The following AGBL1 variants were observed in gnomAD, a reference collection of about 807,000 sequenced individuals.
The protein encoded by AGBL1 is cytosolic carboxypeptidase 4.
In AGBL1, 130 loss-of-function variants were observed where a neutral mutation model predicts 118.9. That is an observed-to-expected ratio of 1.09 (90% CI 0.95 to 1.26). The LOEUF is 1.26. Among genes scored for constraint, AGBL1 ranks in the 50% most tolerant of loss-of-function variants. The pLI, the probability that AGBL1 is intolerant of heterozygous loss-of-function variation, is 0.00. For synonymous variants in AGBL1, 555 were observed against 478.9 expected, an observed-to-expected ratio of 1.16 and a Z score of -2.08; for missense variants, 1,584 against 1,298.1, an observed-to-expected ratio of 1.22 and a Z score of -3.38.
intron 24 of AGBL1, among the ~76,000 whole-genome samples, chr15:87,003,847 A>T (rs1039905050): frequency 4.6e-5 from 7 of 151,670 alleles, no homozygotes; most frequent in South Asian, 2.1e-4. Context: ...TTTTTATTGC[A>T]TCTATTTGAT....
At chr15:86,375,112 T>C (rs1431930526) in intron 17 of AGBL1, among the ~76,000 whole-genome samples, 1 of 152,228 alleles carries the variant, frequency 6.6e-6, no homozygotes, top group Non-Finnish European at 1.5e-5. Flanking sequence ...CAAGGCAGCC[T>C]ATCTGACCCC....
chr15:86,296,375 G>GT (rs1319828631), intron 17 of AGBL1: 1 of 151,972 alleles, frequency 6.6e-6, no homozygotes, highest in East Asian at 1.9e-4. Flanking sequence ...GCCTTCCCTG[G>GT]TGAAGATACA....
chr15:86,265,207 A>T (rs28553545), intron 11 of AGBL1, among the ~76,000 whole-genome samples: 3,683 of 152,268 alleles, frequency 0.024, 147 homozygotes, highest in African/African-American at 0.085. Context: ...ATTATTTGGG[A>T]TCTCTTTTCT....
chr15:86,383,850 G>A (rs568712739), intron 17 of AGBL1, among the ~76,000 whole-genome samples: 1 of 152,262 alleles, frequency 6.6e-6, no homozygotes, highest in African/African-American at 2.4e-5. Flanking sequence ...AATAATGTGG[G>A]AAAGAGCAGA....
At position 86,777,624 on chromosome 15, in the gene AGBL1, TTTTA is replaced by T. The variant is rs1264900385; in HGVS notation, c.3158+103194_3158+103197del. Among the ~76,000 whole-genome samples, 4 of 152,158 alleles carry T rather than the reference TTTTA, an allele frequency of 2.6e-5. No individual in the cohort carries two copies. The East Asian group carries it at 7.7e-4, about 29-fold the overall frequency. ...TTACCATCCATGTAGATATATCTGT[TTTTA>T]TTTATAACATTTCTTTTTAGTCTTC... On this transcript the variant is annotated intron_variant, in intron 22 of 22. Coordinates refer to ENST00000614907, the MANE Select transcript of AGBL1 (RefSeq NM_001386094.1).
At chr15:86,925,169 A>AC (rs1367750397) in intron 23 of AGBL1, among the ~76,000 whole-genome samples, 3 of 32,496 alleles carry the variant, frequency 9.2e-5, no homozygotes, top group Middle Eastern at 0.016. Flanking sequence ...GAGGAGGAGG[A>AC]AGAGGAAGAG....
chr15:86,814,069 C>T (rs917908059), intron 22 of AGBL1, among the ~76,000 whole-genome samples: 4 of 152,100 alleles, frequency 2.6e-5, no homozygotes, highest in Non-Finnish European at 5.9e-5. Context: ...CCAACCCCTA[C>T]GCTGTGGACT....
chr15:86,816,227 T>C (rs1312815790), intron 22 of AGBL1, among the ~76,000 whole-genome samples: 1 of 152,120 alleles, frequency 6.6e-6, no homozygotes, highest in Non-Finnish European at 1.5e-5. Context: ...AATGGCGAGG[T>C]CTTATTCACA....
intron 18 of AGBL1, among the ~76,000 whole-genome samples, chr15:86,473,578 G>A (rs1161281256): frequency 1.3e-5 from 2 of 151,928 alleles, no homozygotes; most frequent in Admixed American, 6.6e-5. Flanking sequence ...AAGGTCATGT[G>A]TACATACTTT....
intron 23 of AGBL1, among the ~76,000 whole-genome samples, chr15:86,970,389 G>A (rs759958170): frequency 3.3e-5 from 5 of 151,820 alleles, no homozygotes; most frequent in Non-Finnish European, 5.9e-5. Flanking sequence ...TGTATATCAG[G>A]CACTTTACTA....
At chr15:86,598,593 A>C (rs4887238) in intron 21 of AGBL1, among the ~76,000 whole-genome samples, 1 of 151,860 alleles carries the variant, frequency 6.6e-6, no homozygotes, top group Non-Finnish European at 1.5e-5. Context: ...CTAGGGCAGA[A>C]GTAGTGTCCT....
chr15:87,018,723 A>C (rs1485012994), intron 24 of AGBL1, among the ~76,000 whole-genome samples: 1 of 152,164 alleles, frequency 6.6e-6, no homozygotes, highest in Non-Finnish European at 1.5e-5. Flanking sequence ...ACAAGTCTGC[A>C]AAATAACTAG....
In AGBL1 at chr15:86,749,407, T is replaced by G. The variant is rs868742058; in HGVS notation, c.3158+74971T>G. Among the ~76,000 whole-genome samples, 89 of 152,144 alleles carry G rather than the reference T, an allele frequency of 5.8e-4. 1 individual carries two copies. The highest frequency in any genetic ancestry group is 2.1e-3 in the African/African-American group (87 of 41,432). On this transcript the variant is annotated intron_variant, in intron 22 of 22. Transcript: ENST00000614907. ...GTTGCTTATCAGCTTAAGGAGATTTTGGGCTGAGACAATGGGGTTTTCTAG... is the reference window on the plus strand; with the variant it reads ...GTTGCTTATCAGCTTAAGGAGATTTGGGGCTGAGACAATGGGGTTTTCTAG...
downstream of AGBL1, among the ~76,000 whole-genome samples, chr15:86,916,801 G>A (rs2080430164): frequency 1.3e-5 from 2 of 152,182 alleles, no homozygotes; most frequent in Non-Finnish European, 2.9e-5. Context: ...GGCTGGCCAG[G>A]CCGGTGAAGA....
intron 23 of AGBL1, among the ~76,000 whole-genome samples, chr15:86,953,014 T>C (rs1372625109): frequency 6.6e-6 from 1 of 152,212 alleles, no homozygotes; most frequent in Admixed American, 6.5e-5. Flanking sequence ...ATTGTTCTTT[T>C]CTGTTCCATT....
At chr15:86,937,850 G>C (rs2080695452) in intron 23 of AGBL1, among the ~76,000 whole-genome samples, 1 of 152,190 alleles carries the variant, frequency 6.6e-6, no homozygotes, top group Non-Finnish European at 1.5e-5. Context: ...TACATGCTAT[G>C]TACTACCCTG....
chr15:86,121,752 G>A (rs1354907793), intron 1 of AGBL1, among the ~76,000 whole-genome samples: 1 of 152,176 alleles, frequency 6.6e-6, no homozygotes, highest in East Asian at 1.9e-4. Context: ...AATCCTGAAA[G>A]GCAGCCTCTC....
intron 23 of AGBL1, among the ~76,000 whole-genome samples, chr15:86,969,943 C>T (rs2081090584): frequency 6.6e-6 from 1 of 151,868 alleles, no homozygotes; most frequent in Non-Finnish European, 1.5e-5. Context: ...CTCTGGATTT[C>T]ATGTTGAATT....
At chr15:86,433,578 GT>G (rs1204009891) in intron 18 of AGBL1, among the ~76,000 whole-genome samples, 8 of 151,356 alleles carry the variant, frequency 5.3e-5, no homozygotes, top group Non-Finnish European at 8.8e-5. Context: ...GGAGAGAGAA[GT>G]GTGTCAGGGT....
Sources: gnomAD v4.1 joint callset for allele counts (sites outside exome capture counted in the v4.1 genomes callset) on GRCh38, gnomAD v4.1.1 for gene constraint, MANE v1.5 for transcripts, NCBI Gene and HGNC (gene_info 2026-07-23, HGNC 2026-07-21) for gene names.